BCKDHB: variants seen among roughly 807,000 people sequenced by gnomAD.
The protein encoded by BCKDHB is 2-oxoisovalerate dehydrogenase subunit beta, mitochondrial.
Under a neutral mutation model 48.5 loss-of-function variants are expected in BCKDHB, and 41 were observed. The observed-to-expected ratio is 0.85, with a 90% CI of 0.66 to 1.10. BCKDHB has a LOEUF of 1.10. Among genes scored for constraint, BCKDHB ranks in the 50% least tolerant of loss-of-function variants. BCKDHB has a pLI of 0.00. For missense variants in BCKDHB, 496 were observed against 494.2 expected (o/e 1.00, Z -0.03); for synonymous variants, 201 against 174.8 (o/e 1.15, Z -1.18).
the BCKDHB span, among the ~76,000 whole-genome samples, chr6:80,389,955 T>C: frequency 2.6e-5 from 4 of 152,210 alleles, no homozygotes; most frequent in African/African-American, 9.7e-5. Context: ...CATTGTGTTC[T>C]GCTGGCCTAG....
the BCKDHB span, among the ~76,000 whole-genome samples, chr6:80,377,207 A>T: frequency 6.6e-6 from 1 of 151,690 alleles, no homozygotes; most frequent in African/African-American, 2.4e-5. Flanking sequence ...CGCCTAGCTA[A>T]TTTTTTGTAT....
At chr6:80,281,557 G>A (rs1360214950) in intron 9 of BCKDHB, among the ~76,000 whole-genome samples, 1 of 152,188 alleles carries the variant, frequency 6.6e-6, no homozygotes, top group African/African-American at 2.4e-5. Flanking sequence ...AGTAAGTAGT[G>A]AAGACTTGAA....
intron 3 of BCKDHB, among the ~76,000 whole-genome samples, chr6:80,131,075 C>T (rs539362620): frequency 6.6e-6 from 1 of 152,324 alleles, no homozygotes; most frequent in African/African-American, 2.4e-5. Flanking sequence ...TCCTCTGCTG[C>T]CTGTCTGCCC....
intron 1 of BCKDHB, among the ~76,000 whole-genome samples, chr6:80,110,360 G>A (rs1769349846): frequency 6.6e-6 from 1 of 152,166 alleles, no homozygotes; most frequent in Non-Finnish European, 1.5e-5. Flanking sequence ...TGGACACTTG[G>A]TATCCCCTAT....
intron 5 of BCKDHB, chr6:80,169,870 A>C: frequency 6.2e-7 from 1 of 1,604,036 alleles, no homozygotes; most frequent in Non-Finnish European, 8.5e-7. Context: ...AATGTGAGCT[A>C]GAAGTTGTAG....
At chr6:80,143,086 A>G (rs1210625242) in intron 3 of BCKDHB, among the ~76,000 whole-genome samples, 4 of 152,148 alleles carry the variant, frequency 2.6e-5, no homozygotes, top group African/African-American at 7.2e-5. Context: ...AGATTGGTCA[A>G]TATCTGGGGA....
At chr6:80,395,041 T>C in the BCKDHB span, among the ~76,000 whole-genome samples, 1 of 152,200 alleles carries the variant, frequency 6.6e-6, no homozygotes, top group South Asian at 2.1e-4. Context: ...CTCCCAGCCA[T>C]GTGGAACTGT....
chr6:80,382,317 G>A, the BCKDHB span, among the ~76,000 whole-genome samples: 3 of 150,596 alleles, frequency 2.0e-5, no homozygotes, highest in Non-Finnish European at 4.4e-5. Flanking sequence ...GTTACTAAAA[G>A]AGCATTGAAA....
intron 9 of BCKDHB, among the ~76,000 whole-genome samples, chr6:80,343,128 T>A (rs1191563179): frequency 1.3e-5 from 2 of 151,986 alleles, no homozygotes; most frequent in Non-Finnish European, 2.9e-5. Flanking sequence ...GGACTTGGGG[T>A]GTGAGTGGCC....
chr6:80,326,272 C>G (rs565685339), intron 9 of BCKDHB, among the ~76,000 whole-genome samples: 1 of 152,228 alleles, frequency 6.6e-6, no homozygotes, highest in Admixed American at 6.5e-5. Context: ...ATAGCAGAGC[C>G]TGAATGCTAC....
the BCKDHB span, among the ~76,000 whole-genome samples, chr6:80,417,880 C>G: frequency 4.6e-5 from 7 of 152,124 alleles, no homozygotes; most frequent in Non-Finnish European, 1.0e-4. Flanking sequence ...GTTGGCCACT[C>G]TAGCTAGGTT....
At chr6:80,460,628 CCTGA>C in the BCKDHB span, among the ~76,000 whole-genome samples, 1 of 152,044 alleles carries the variant, frequency 6.6e-6, no homozygotes. Context: ...CTTGGAGCTC[CCTGA>C]CTTAGTGGTA....
chr6:80,276,018 A>G (rs1267105685), intron 9 of BCKDHB, among the ~76,000 whole-genome samples: 1 of 152,020 alleles, frequency 6.6e-6, no homozygotes, highest in Non-Finnish European at 1.5e-5. Context: ...CAGCAGAGAA[A>G]ATGTACACGG....
intron 8 of BCKDHB, among the ~76,000 whole-genome samples, chr6:80,230,525 A>G (rs914732616): frequency 3.5e-4 from 53 of 152,142 alleles, no homozygotes; most frequent in African/African-American, 1.3e-3. Flanking sequence ...TTTTTTCTAT[A>G]AAGAGCCAGA....
chr6:80,138,540 G>C (rs1157984880), intron 3 of BCKDHB, among the ~76,000 whole-genome samples: 1 of 151,894 alleles, frequency 6.6e-6, no homozygotes, highest in Non-Finnish European at 1.5e-5. Context: ...GAGAATATGT[G>C]GTGTTTGGTT....
At chr6:80,416,800 A>G in the BCKDHB span, among the ~76,000 whole-genome samples, 18 of 149,958 alleles carry the variant, frequency 1.2e-4, no homozygotes, top group Admixed American at 9.3e-4. Flanking sequence ...TTATTATTAT[A>G]CTTTAAGTTT....
At chr6:80,183,630 G>A (rs1026202665) in intron 6 of BCKDHB, among the ~76,000 whole-genome samples, 1 of 152,106 alleles carries the variant, frequency 6.6e-6, no homozygotes, top group African/African-American at 2.4e-5. Context: ...GTTTACATCA[G>A]TGTTCACTCT....
At chr6:80,399,964 C>A in the BCKDHB span, among the ~76,000 whole-genome samples, 1 of 151,950 alleles carries the variant, frequency 6.6e-6, no homozygotes, top group Non-Finnish European at 1.5e-5. Flanking sequence ...GCAAGCCTGA[C>A]AAAAACAAGC....
chr6:80,413,765 T>C, the BCKDHB span, among the ~76,000 whole-genome samples: 6 of 152,236 alleles, frequency 3.9e-5, no homozygotes, highest in African/African-American at 7.2e-5. Flanking sequence ...AACATATTCA[T>C]GCATGTTTCT....
Sources: gnomAD v4.1 joint callset for allele counts (sites outside exome capture counted in the v4.1 genomes callset) on GRCh38, gnomAD v4.1.1 for gene constraint, MANE v1.5 for transcripts, NCBI Gene and HGNC (gene_info 2026-07-23, HGNC 2026-07-21) for gene names.